Variants in KSR2 observed in about 807,000 individuals in gnomAD.
KSR2 encodes the protein kinase suppressor of ras 2.
A neutral mutation model predicts 107.8 loss-of-function variants in KSR2; 25 were observed. That is an observed-to-expected ratio of 0.23 (90% CI 0.17 to 0.32). The LOEUF (loss-of-function observed/expected upper bound fraction) is 0.32, where lower values mean the gene tolerates loss of function less well. KSR2 is among the 10% of genes least tolerant of loss of function. KSR2 has a pLI of 1.00. For missense variants in KSR2, 887 were observed against 1,268.9 expected, an observed-to-expected ratio of 0.70 and a Z score of 4.57; for synonymous variants, 480 against 507.0, an observed-to-expected ratio of 0.95 and a Z score of 0.71.
intron 3 of KSR2, among the ~76,000 whole-genome samples, chr12:117,846,295 T>G (rs1355235971): frequency 1.7e-4 from 23 of 132,636 alleles, no homozygotes; most frequent in Middle Eastern, 3.4e-3. Flanking sequence ...CCATTTGATT[T>G]TTTTTTTTTT....
chr12:117,458,998 G>A lies in KSR2; in HGVS notation c.*8201C>T, dbSNP rs1870762957. On this transcript the variant is annotated 3_prime_UTR_variant, in exon 20 of 20. Coordinates refer to ENST00000339824, the MANE Select transcript of KSR2 (RefSeq NM_173598.6). ...CACCACGCACACTGTTATTCCTTAA[G>A]GCCCCCATATGCCGTGACTTCCAGC... is the stretch of plus-strand genomic sequence containing the variant. The A allele has an allele frequency of 1.3e-5, 2 of 152,360 alleles. No homozygotes were observed. Among genetic ancestry groups the A allele is most frequent in the South Asian group, 4.1e-4 (2 of 4,828 alleles). The allele number at this position is 152,360 out of a possible 1,614,324, so 9.4% of individuals were successfully genotyped here.
At chr12:117,705,817 A>C (rs1179692151) in intron 4 of KSR2, among the ~76,000 whole-genome samples, 2 of 152,184 alleles carry the variant, frequency 1.3e-5, no homozygotes, top group Non-Finnish European at 2.9e-5. Context: ...AAATCTGGGC[A>C]GCTGGAGAGG....
chr12:117,571,860 G>A (rs1428444698), intron 7 of KSR2, among the ~76,000 whole-genome samples: 1 of 152,120 alleles, frequency 6.6e-6, no homozygotes, highest in Non-Finnish European at 1.5e-5. Flanking sequence ...ACACCAGCAT[G>A]CTCCTCCCCA....
rs539193833 is a variant in KSR2, at chr12:117,779,574, T to G, written c.473-18050A>C. Among the ~76,000 whole-genome samples the G allele has an allele frequency of 6.6e-5, 10 of 152,298 alleles. No homozygotes were observed. The South Asian group carries it at 1.9e-3, about 28-fold the overall frequency. On this transcript the variant is annotated intron_variant, in intron 3 of 19. Transcript: ENST00000339824. ...CTCATCTCGAATTGTAATCCCCACG[T>G]GTCAAGGGAGGGACCTGGTGGGAGG...
At chr12:117,892,489 T>A (rs957177944) in intron 1 of KSR2, among the ~76,000 whole-genome samples, 25 of 149,664 alleles carry the variant, frequency 1.7e-4, no homozygotes, top group African/African-American at 5.4e-4. Flanking sequence ...CAGGCCAATT[T>A]CAGACTTTTC....
At chr12:117,588,890 C>A (rs1330696669) in intron 5 of KSR2, among the ~76,000 whole-genome samples, 1 of 152,196 alleles carries the variant, frequency 6.6e-6, no homozygotes, top group African/African-American at 2.4e-5. Flanking sequence ...ATAATGCACA[C>A]AGAGTATTCT....
intron 3 of KSR2, among the ~76,000 whole-genome samples, chr12:117,821,098 C>T (rs1891546976): frequency 6.6e-6 from 1 of 152,290 alleles, no homozygotes; most frequent in African/African-American, 2.4e-5. Context: ...ACAGTCATAG[C>T]ACCTAGTTCA....
chr12:117,547,033 C>T (rs994822407), intron 9 of KSR2, among the ~76,000 whole-genome samples: 6 of 152,186 alleles, frequency 3.9e-5, no homozygotes, highest in African/African-American at 1.4e-4. Flanking sequence ...AGCTTGAGAT[C>T]TTTCTGCTTC....
At chr12:117,503,985 C>A (rs1873530434) in intron 14 of KSR2, among the ~76,000 whole-genome samples, 1 of 152,184 alleles carries the variant, frequency 6.6e-6, no homozygotes, top group Non-Finnish European at 1.5e-5. Context: ...CAAACACTTA[C>A]CTCTATTTGT....
At chr12:117,851,654 G>A (rs1206688021) in intron 3 of KSR2, among the ~76,000 whole-genome samples, 1 of 152,108 alleles carries the variant, frequency 6.6e-6, no homozygotes, top group African/African-American at 2.4e-5. Flanking sequence ...ACTTTGGGAG[G>A]TCGAGCCGGA....
At chr12:117,640,232 C>CT (rs1335408156) in intron 5 of KSR2, among the ~76,000 whole-genome samples, 13 of 111,654 alleles carry the variant, frequency 1.2e-4, no homozygotes, top group Non-Finnish European at 2.8e-4. Flanking sequence ...CAATGAAGCT[C>CT]TTTTTTTTTC....
At chr12:117,879,691 T>C (rs999852200) in intron 1 of KSR2, among the ~76,000 whole-genome samples, 3 of 152,342 alleles carry the variant, frequency 2.0e-5, no homozygotes, top group Non-Finnish European at 4.4e-5. Flanking sequence ...CACTCCAGCC[T>C]GGGCGCCAGA....
intron 4 of KSR2, 134 bp from the exon 5 acceptor site, chr12:117,667,792 T>C: frequency 1.4e-6 from 1 of 714,220 alleles, no homozygotes; most frequent in Non-Finnish European, 2.2e-6. Flanking sequence ...GCCCACAGGC[T>C]TTTAGGTAGA....
intron 7 of KSR2, among the ~76,000 whole-genome samples, chr12:117,571,744 T>G (rs953327501): frequency 3.9e-5 from 6 of 152,174 alleles, no homozygotes; most frequent in Admixed American, 6.5e-5. Context: ...ATCCCTTAGT[T>G]GATCAGACCC....
intron 1 of KSR2, among the ~76,000 whole-genome samples, chr12:117,936,170 G>A (rs780250701): frequency 8.6e-5 from 13 of 151,838 alleles, no homozygotes; most frequent in Admixed American, 2.0e-4. Flanking sequence ...TGAGTAGTTG[G>A]GACCACGGGC....
intron 9 of KSR2, among the ~76,000 whole-genome samples, chr12:117,554,473 T>C (rs538474193): frequency 4.6e-5 from 7 of 152,194 alleles, no homozygotes; most frequent in Non-Finnish European, 7.4e-5. Context: ...TCCTGGAAGA[T>C]GGTGTTATGG....
chr12:117,891,285 G>A (rs1009133936), intron 1 of KSR2, among the ~76,000 whole-genome samples: 7 of 151,694 alleles, frequency 4.6e-5, no homozygotes, highest in African/African-American at 1.5e-4. Flanking sequence ...GTGTGGTGGC[G>A]CATGCCTGTA....
chr12:117,515,810 C>G (rs1043549593), intron 14 of KSR2, among the ~76,000 whole-genome samples: 15 of 152,302 alleles, frequency 9.8e-5, no homozygotes, highest in Admixed American at 6.5e-5. Context: ...CCTGTAATCC[C>G]AGCTGCTGGG....
chr12:117,649,350 A>G (rs1883788964), intron 5 of KSR2, among the ~76,000 whole-genome samples: 1 of 152,206 alleles, frequency 6.6e-6, no homozygotes, highest in Non-Finnish European at 1.5e-5. Flanking sequence ...CAGATGTTCA[A>G]TCAATACTGA....
Sources: allele counts gnomAD v4.1 joint callset (sites outside exome capture counted in the v4.1 genomes callset), GRCh38; gene constraint gnomAD v4.1.1; transcripts MANE v1.5; gene names NCBI Gene and HGNC (gene_info 2026-07-23, HGNC 2026-07-21).